Variants in RYR2 observed in about 807,000 individuals in gnomAD.
RYR2 encodes ryanodine receptor 2, also known as cardiac muscle ryanodine receptor-calcium release channel.
Under a neutral mutation model 601.1 loss-of-function variants are expected in RYR2, and 227 were observed. The observed-to-expected ratio is 0.38, with a 90% CI of 0.34 to 0.42. The LOEUF (loss-of-function observed/expected upper bound fraction) is 0.42, where lower values mean the gene tolerates loss of function less well. Ranked by LOEUF, RYR2 falls within the 10% of genes least tolerant of loss-of-function variation. The probability of loss-of-function intolerance (pLI) is 1.00; values close to 1 mark genes in which losing one functional copy is unlikely to be tolerated. For synonymous variants in RYR2, 2,223 were observed against 2,175.1 expected (o/e 1.02, Z -0.61); for missense variants, 4,646 against 6,156.5 (o/e 0.75, Z 8.21).
intron 1 of RYR2, among the ~76,000 whole-genome samples, chr1:237,146,367 G>A (rs866580297): frequency 5.9e-5 from 9 of 152,322 alleles, no homozygotes; most frequent in East Asian, 3.9e-4. Flanking sequence ...CGAATTTAGC[G>A]TATGGTTTGT....
intron 36 of RYR2, among the ~76,000 whole-genome samples, chr1:237,612,601 C>CT (rs914229052): frequency 6.6e-5 from 10 of 150,758 alleles, no homozygotes; most frequent in East Asian, 1.9e-4. Context: ...ATTTTGTATT[C>CT]TTTTTTTTTG....
intron 1 of RYR2, among the ~76,000 whole-genome samples, chr1:237,054,618 G>A (rs1457969405): frequency 6.6e-6 from 1 of 152,118 alleles, no homozygotes; most frequent in Non-Finnish European, 1.5e-5. Flanking sequence ...TTCCTGATGG[G>A]CTGATATCTC....
At chr1:237,601,716 G>A (rs1676522594) in intron 34 of RYR2, among the ~76,000 whole-genome samples, 1 of 152,124 alleles carries the variant, frequency 6.6e-6, no homozygotes, top group Non-Finnish European at 1.5e-5. Flanking sequence ...TATCTACAAT[G>A]TGTCAATTAA....
chr1:237,500,877 A>T lies in RYR2; in HGVS notation c.2370A>T (p.Pro790=). ...ENFNIDGLFF[P]VVSFSAGIKV... ...TCAACATCGATGGCCTCTTCTTTCCAGTCGTTAGTTTCTCTGCAGGAATAA... is the reference window on the plus strand; with the variant it reads ...TCAACATCGATGGCCTCTTCTTTCCTGTCGTTAGTTTCTCTGCAGGAATAA... Residue 790 remains proline (P), a synonymous_variant, in exon 21 of 105, where the codon CCA becomes CCT. Transcript: ENST00000366574. 6.2e-7 allele frequency: 1 copy of T among 1,613,988 alleles called. No homozygotes were observed. Among genetic ancestry groups the T allele is most frequent in the Non-Finnish European group, 8.5e-7 (1 of 1,179,878 alleles).
chr1:237,158,116 C>G (rs1675599470), intron 1 of RYR2, among the ~76,000 whole-genome samples: 1 of 152,088 alleles, frequency 6.6e-6, no homozygotes, highest in African/African-American at 2.4e-5. Flanking sequence ...GGAGTTTTTG[C>G]AAGGATTACA....
At chr1:237,447,009 G>A (rs1657432792) in intron 14 of RYR2, among the ~76,000 whole-genome samples, 1 of 152,030 alleles carries the variant, frequency 6.6e-6, no homozygotes, top group Admixed American at 6.6e-5. Context: ...TTCTTTACTA[G>A]AGCTGATCAA....
intron 1 of RYR2, among the ~76,000 whole-genome samples, chr1:237,129,158 A>T (rs1671868051): frequency 6.6e-6 from 1 of 152,184 alleles, no homozygotes; most frequent in Non-Finnish European, 1.5e-5. Context: ...TCTCATCTGG[A>T]TTACTGCAGT....
intron 1 of RYR2, among the ~76,000 whole-genome samples, chr1:237,235,879 T>G (rs902350663): frequency 2.6e-5 from 4 of 152,200 alleles, no homozygotes; most frequent in African/African-American, 4.8e-5. Context: ...GTCGTGCATA[T>G]GTATGTTGGA....
chr1:237,421,761 T>A (rs1705608951), intron 11 of RYR2, among the ~76,000 whole-genome samples: 1 of 152,220 alleles, frequency 6.6e-6, no homozygotes, highest in African/African-American at 2.4e-5. Context: ...GACAAAATCA[T>A]CCAGTGTAAA....
intron 1 of RYR2, among the ~76,000 whole-genome samples, chr1:237,127,391 G>A (rs368423497): frequency 0.018 from 2,760 of 149,872 alleles, 85 homozygotes; most frequent in East Asian, 0.12. Context: ...CCTCCCGGAC[G>A]GGGCGGCTGG....
At chr1:237,304,436 G>A (rs1012827219) in intron 2 of RYR2, among the ~76,000 whole-genome samples, 1 of 152,190 alleles carries the variant, frequency 6.6e-6, no homozygotes, top group Non-Finnish European at 1.5e-5. Flanking sequence ...AATGTAAATT[G>A]CTCTTAAAGA....
intron 1 of RYR2, among the ~76,000 whole-genome samples, chr1:237,221,407 G>A (rs577720808): frequency 4.1e-4 from 62 of 152,162 alleles, no homozygotes; most frequent in African/African-American, 1.3e-3. Context: ...GAAGAAAGTC[G>A]TTTATATTAG....
intron 1 of RYR2, among the ~76,000 whole-genome samples, chr1:237,048,550 A>T (rs1558140578): frequency 6.6e-6 from 1 of 151,754 alleles, no homozygotes; most frequent in Admixed American, 6.6e-5. Flanking sequence ...TAATTTCTCT[A>T]CTTGGCCTTT....
chr1:237,582,871 A>G (rs964745523), intron 29 of RYR2, among the ~76,000 whole-genome samples: 1 of 151,558 alleles, frequency 6.6e-6, no homozygotes. Flanking sequence ...TGCTGGGATG[A>G]AACCTATGAG....
intron 1 of RYR2, among the ~76,000 whole-genome samples, chr1:237,162,970 A>ACC (rs1228777463): frequency 6.6e-6 from 1 of 152,312 alleles, no homozygotes; most frequent in East Asian, 1.9e-4. Context: ...TTCAGTAGAA[A>ACC]CAGGAGTCCA....
chr1:237,784,798 T>G lies in RYR2; in HGVS notation c.13086T>G (p.Asp4362Glu). 6.2e-7 allele frequency: 1 copy of G among 1,611,954 alleles called. No homozygotes were observed. The highest frequency in any genetic ancestry group is 1.1e-5 in the South Asian group (1 of 91,004). The part of the protein sequence containing the change: ...KPLEAALPSE[D>E]LTDLKELTEE... ...TGGAAGCCGCCCTGCCCTCCGAGGA[T>G]CTGACCGACTTAAAGGAGCTGACAG... The change falls in exon 90 of 105, where the codon GAT (aspartate) becomes GAG (glutamate). Residue 4362 changes from aspartate to glutamate, a missense_variant. Physicochemically the swap from Asp to Glu is conservative, Grantham distance 45. This residue lies in a region of RYR2 where 364 missense variants were observed against 442.9 expected (regional missense o/e 0.82). Transcript: ENST00000366574. The surrounding 1 kb of genome is among the most constrained non-coding windows in gnomAD (Gnocchi z 7.1).
chr1:237,058,258 A>G (rs1662415561), intron 1 of RYR2, among the ~76,000 whole-genome samples: 1 of 152,248 alleles, frequency 6.6e-6, no homozygotes, highest in Non-Finnish European at 1.5e-5. Context: ...CTTAGGAAAC[A>G]GAATGATTCT....
At chr1:237,389,466 G>A (rs1475088906) in intron 10 of RYR2, among the ~76,000 whole-genome samples, 2 of 152,126 alleles carry the variant, frequency 1.3e-5, no homozygotes, top group African/African-American at 4.8e-5. Context: ...TAGGCAAGGA[G>A]AACTTAGATT....
At chr1:237,446,334 G>A (rs1708333888) in intron 14 of RYR2, among the ~76,000 whole-genome samples, 1 of 152,040 alleles carries the variant, frequency 6.6e-6, no homozygotes, top group Non-Finnish European at 1.5e-5. Context: ...TTGCTAATTT[G>A]ATGGGGGAAA....
Sources: gnomAD v4.1 joint callset for allele counts (sites outside exome capture counted in the v4.1 genomes callset) on GRCh38, gnomAD v4.1.1 for gene constraint, gnomAD v4.1.1 regional missense constraint, Gnocchi (gnomAD v3.1) non-coding constraint, MANE v1.5 for transcripts, NCBI Gene and HGNC (gene_info 2026-07-23, HGNC 2026-07-21) for gene names.